The following GNS variants were observed in gnomAD, a reference collection of about 807,000 sequenced individuals.
The protein encoded by GNS is N-acetylglucosamine-6-sulfatase.
GNS carries 40 observed loss-of-function variants against 69.7 expected under a neutral mutation model. The ratio of observed to expected loss-of-function variants is 0.57; its 90% CI spans 0.45 to 0.75. The LOEUF (loss-of-function observed/expected upper bound fraction) is 0.75, where lower values mean the gene tolerates loss of function less well. GNS is among the 30% of genes least tolerant of loss of function. The probability of loss-of-function intolerance (pLI) is 0.00; values close to 1 mark genes in which losing one functional copy is unlikely to be tolerated. For synonymous variants in GNS, 243 were observed against 251.6 expected, an observed-to-expected ratio of 0.97 and a Z score of 0.32; for missense variants, 565 against 685.5, an observed-to-expected ratio of 0.82 and a Z score of 1.96.
intron 4 of GNS, among the ~76,000 whole-genome samples, 181 bp downstream of exon 4, chr12:64,745,478 C>T (rs1361125928): frequency 6.6e-6 from 1 of 152,056 alleles, no homozygotes; most frequent in African/African-American, 2.4e-5. Flanking sequence ...TCTCTGCCTC[C>T]CAAAGTGTTG....
At chr12:64,754,890 CAAA>C (rs202239574) in intron 1 of GNS, among the ~76,000 whole-genome samples, 1 of 124,244 alleles carries the variant, frequency 8.0e-6, no homozygotes, top group Admixed American at 8.3e-5. Context: ...AACTTGTCTC[CAAA>C]AAAAAAAAAA....
At chr12:64,738,810 C>A (rs1249932947) in intron 8 of GNS, among the ~76,000 whole-genome samples, 1 of 95,118 alleles carries the variant, frequency 1.1e-5, no homozygotes, top group Non-Finnish European at 2.2e-5. Flanking sequence ...GAGATTCTGT[C>A]CCCCCACCAG....
chr12:64,743,150 G>A lies in GNS; in HGVS notation c.783C>T (p.Ile261=), dbSNP rs2136247536. The change falls in exon 6 of 14, where the codon ATC becomes ATT. Residue 261 remains isoleucine (I), a synonymous_variant. Coordinates refer to ENST00000258145, the MANE Select transcript of GNS (RefSeq NM_002076.4). ...VFAPRNKNFN[I]HGTNKHWLIR... Reference sequence around the variant, plus strand: ...TGGTGGGGGAAGCTACCGTTCCATGGATGTTGAAGTTCTTGTTTCTTGGTG... The same window carrying A: ...TGGTGGGGGAAGCTACCGTTCCATGAATGTTGAAGTTCTTGTTTCTTGGTG... The A allele has an allele frequency of 6.2e-7, 1 of 1,611,384 alleles. No individual in the cohort carries two copies. Among genetic ancestry groups the A allele is most frequent in the Non-Finnish European group, 8.5e-7 (1 of 1,177,522 alleles).
At chr12:64,721,565 G>C (rs199958949) in intron 12 of GNS, 30 bp downstream of exon 12, 1 of 982,954 alleles carries the variant, frequency 1.0e-6, no homozygotes, top group Non-Finnish European at 1.7e-6. Flanking sequence ...AGAAAGGAGC[G>C]GGGGAAGTGC....
chr12:64,725,245 C>A (rs1262422060), intron 10 of GNS, among the ~76,000 whole-genome samples: 1 of 152,168 alleles, frequency 6.6e-6, no homozygotes, highest in South Asian at 2.1e-4. Context: ...ACTTAGGCTC[C>A]TGGCTATACA....
intron 10 of GNS, among the ~76,000 whole-genome samples, chr12:64,725,975 G>A (rs543610001): frequency 5.3e-5 from 6 of 113,544 alleles, no homozygotes; most frequent in African/African-American, 1.4e-4. Flanking sequence ...CAACCTGGGC[G>A]ACAGAGCTAG....
At chr12:64,757,985 A>G (rs781413139) in intron 1 of GNS, among the ~76,000 whole-genome samples, 59 of 152,216 alleles carry the variant, frequency 3.9e-4, no homozygotes, top group Non-Finnish European at 1.3e-4. Flanking sequence ...GAAGAGAGGA[A>G]TGCTGAACCC....
At position 64,717,090 on chromosome 12, in the gene GNS, A is replaced by AT. The variant is rs537350763; in HGVS notation, c.1581-272dup. Among the ~76,000 whole-genome samples, 47 of 152,200 alleles carry AT rather than the reference A, an allele frequency of 3.1e-4. 1 individual carries two copies. In the South Asian group the frequency reaches 9.5e-3, roughly 31 times the overall value. On this transcript the variant is annotated intron_variant, in intron 13 of 13. Coordinates refer to ENST00000258145, the MANE Select transcript of GNS (RefSeq NM_002076.4). ...GTGTCAGAAGGCAGCAAGATTTGAG[A>AT]TTTTTTTCTTTTGAGGGAGTAGGGG...
intron 1 of GNS, among the ~76,000 whole-genome samples, chr12:64,757,297 T>C (rs1451615370): frequency 1.3e-5 from 2 of 152,268 alleles, no homozygotes; most frequent in East Asian, 3.8e-4. Context: ...GAATACCTTA[T>C]ATTTAAGTAA....
At position 64,714,544 on chromosome 12, in the gene GNS, A is replaced by T. The variant is rs1458643103; in HGVS notation, c.*2197T>A. 6.6e-6 allele frequency: 1 copy of T among 152,188 alleles called. No homozygotes were observed. Among genetic ancestry groups the T allele is most frequent in the African/African-American group, 2.4e-5 (1 of 41,426 alleles). 9.4% of individuals were successfully genotyped at this position (152,188 alleles called of 1,614,324 possible). ...GGAAGCTATTTGAAGGTTAGATAGG[A>T]AATATACCAAAAATAGAAGAGCGTA... On this transcript the variant is annotated 3_prime_UTR_variant, in exon 14 of 14. Coordinates refer to ENST00000258145, the MANE Select transcript of GNS (RefSeq NM_002076.4).
chr12:64,724,293 T>TA (rs1163779378), intron 10 of GNS, among the ~76,000 whole-genome samples: 1 of 152,206 alleles, frequency 6.6e-6, no homozygotes, highest in Non-Finnish European at 1.5e-5. Context: ...TCTTAGTTCC[T>TA]AACGTAGGTA....
At chr12:64,721,387 G>C (rs1869022889) in intron 12 of GNS, among the ~76,000 whole-genome samples, 1 of 152,194 alleles carries the variant, frequency 6.6e-6, no homozygotes, top group Non-Finnish European at 1.5e-5. Flanking sequence ...GTGGTGGTGG[G>C]AGTGGAGAGA....
chr12:64,724,586 G>A (rs768480335), intron 10 of GNS, among the ~76,000 whole-genome samples: 3 of 152,222 alleles, frequency 2.0e-5, no homozygotes, highest in South Asian at 2.1e-4. Flanking sequence ...GGCTGGGCAC[G>A]GTGGCTCACG....
Position 64,747,862 on chromosome 12 carries a change from G to T in GNS, c.309C>A (p.Tyr103Ter). The T allele has an allele frequency of 6.2e-7, 1 of 1,610,524 alleles. No homozygotes were observed. Residue 103 changes from tyrosine to a stop codon, truncating the protein, a stop_gained, in exon 3 of 14, where the codon TAC becomes TAA. Coordinates refer to ENST00000258145, the MANE Select transcript of GNS (RefSeq NM_002076.4). LOFTEE classifies it high-confidence loss of function. ...PSRASILTGKYPHNHHVVNNT... is the reference protein window; with the variant it reads ...PSRASILTGK The stretch of plus-strand genomic sequence containing the variant: ...TGTTCACAACGTGATGATTATGTGG[G>T]TACTTTCCTGTCAGGATACTGGCTC...
At chr12:64,736,904 G>A in intron 9 of GNS, 100 bp downstream of exon 9, 2 of 756,172 alleles carry the variant, frequency 2.6e-6, no homozygotes, top group South Asian at 2.8e-5. Context: ...CTCAGCCCTA[G>A]TGGGAAGAGG....
At chr12:64,740,826 A>C in intron 6 of GNS, 138 bp from the exon 7 acceptor site, 1 of 666,394 alleles carries the variant, frequency 1.5e-6, no homozygotes, top group Non-Finnish European at 2.7e-6. Flanking sequence ...TTGTTTAAGC[A>C]ATTTCAGAAC....
At chr12:64,755,849 T>C (rs1870235320) in intron 1 of GNS, among the ~76,000 whole-genome samples, 1 of 151,686 alleles carries the variant, frequency 6.6e-6, no homozygotes, top group Admixed American at 6.6e-5. Flanking sequence ...CGGCCAATTT[T>C]TGTATTTTAG....
intron 2 of GNS, 128 bp from the exon 3 acceptor site, chr12:64,748,046 A>G: frequency 1.4e-6 from 1 of 691,026 alleles, no homozygotes. Context: ...CATGGAATAT[A>G]TATATTTTTT....
chr12:64,732,601 T>C lies in GNS; in HGVS notation c.1099-3544A>G, dbSNP rs1365285829. On this transcript the variant is annotated intron_variant, in intron 9 of 13. Transcript: ENST00000258145. ...TCAGTCTCCCGAGTAACTGGGACTA[T>C]AGGCGCCCGCCACCACACCTGGCTA... Among the ~76,000 whole-genome samples the C allele has an allele frequency of 5.3e-5, 8 of 150,448 alleles. No homozygotes were observed. The South Asian group carries it at 6.3e-4, about 12-fold the overall frequency.
Sources: gnomAD v4.1 joint callset for allele counts (sites outside exome capture counted in the v4.1 genomes callset) on GRCh38, gnomAD v4.1.1 for gene constraint, MANE v1.5 for transcripts, NCBI Gene and HGNC (gene_info 2026-07-23, HGNC 2026-07-21) for gene names.